Variants in RFLNA observed in about 807,000 individuals in gnomAD.
RFLNA encodes refilin-A.
Under a neutral mutation model 7.8 loss-of-function variants are expected in RFLNA, and 5 were observed. The observed-to-expected ratio is 0.64, with a 90% CI of 0.34 to 1.35. The LOEUF is 1.35. RFLNA is among the 40% of genes most tolerant of loss of function. The pLI, the probability that RFLNA is intolerant of heterozygous loss-of-function variation, is 0.04. For missense variants in RFLNA, 278 were observed against 305.5 expected (o/e 0.91, Z 0.67); for synonymous variants, 141 against 131.3 (o/e 1.07, Z -0.50).
chr12:124,297,718 C>G (rs1239939541), intron 1 of RFLNA, among the ~76,000 whole-genome samples: 1 of 152,120 alleles, frequency 6.6e-6, no homozygotes, highest in Non-Finnish European at 1.5e-5. Flanking sequence ...AAACAAAATG[C>G]CTGTGTACCT....
In RFLNA at chr12:124,314,339, G is replaced by T; in HGVS notation, c.465G>T (p.Leu155=). ...GCAACTACCGCAGCCAGCTGACCCT[G>T]GAGCCACGCCCGCGCGCCCTGCGCT... ...TWRNYRSQLT[L]EPRPRALRFR... The change falls in exon 3 of 3, where the codon CTG becomes CTT. Residue 155 remains leucine, a synonymous_variant. Transcript: ENST00000546355. The T allele has an allele frequency of 6.2e-7, 1 of 1,613,478 alleles. No homozygotes were observed. The highest frequency in any genetic ancestry group is 8.5e-7 in the Non-Finnish European group (1 of 1,179,988).
intron 1 of RFLNA, among the ~76,000 whole-genome samples, chr12:124,300,060 A>C (rs10773082): frequency 0.76 from 116,195 of 152,132 alleles, 46,680 homozygotes; most frequent in Non-Finnish European, 0.9. Context: ...TTGGGATCTT[A>C]CATTGTGTTC....
At position 124,311,940 on chromosome 12, in the gene RFLNA, C is replaced by T; in HGVS notation, c.317+13C>T. 3.2e-6 allele frequency: 3 copies of T among 951,864 alleles called. No homozygotes were observed. Among genetic ancestry groups the T allele is most frequent in the Non-Finnish European group, 4.5e-6 (3 of 663,988 alleles). 59.0% of individuals were successfully genotyped at this position (951,864 alleles called of 1,614,324 possible). A position where few individuals can be genotyped will look rare whatever the true frequency, so the allele number is the denominator to read the frequency against. Reference sequence around the variant, plus strand: ...CGCATGAGATCCGGTGAGTGGGCCACTGGGCTCTGCGCGGGAGGAGGGGGT... The same window carrying T: ...CGCATGAGATCCGGTGAGTGGGCCATTGGGCTCTGCGCGGGAGGAGGGGGT... On this transcript the variant is annotated intron_variant, in intron 2 of 2. Coordinates refer to ENST00000546355, the MANE Select transcript of RFLNA (RefSeq NM_001365156.1).
chr12:124,291,015 C>T (rs1223600873), upstream of RFLNA, among the ~76,000 whole-genome samples: 1 of 152,192 alleles, frequency 6.6e-6, no homozygotes, highest in African/African-American at 2.4e-5. Flanking sequence ...GGCCTTGTTT[C>T]AGGGCTCTCT....
At chr12:124,298,360 G>T (rs1566321513) in intron 1 of RFLNA, among the ~76,000 whole-genome samples, 8 of 152,106 alleles carry the variant, frequency 5.3e-5, no homozygotes, top group South Asian at 2.1e-4. Flanking sequence ...CTAAGGCAGG[G>T]TATCTGGGAA....
intron 1 of RFLNA, among the ~76,000 whole-genome samples, chr12:124,310,156 GA>G (rs774722761): frequency 0.036 from 1,252 of 34,302 alleles, 16 homozygotes; most frequent in Middle Eastern, 0.35. Flanking sequence ...CTGGGTGACA[GA>G]GAGAGACTCT....
At position 124,289,905 on chromosome 12, in the gene RFLNA, G is replaced by C. The variant is rs911376214; in HGVS notation, c.-37+535G>C. Among the ~76,000 whole-genome samples, 1 of 152,166 alleles carries C rather than the reference G, an allele frequency of 6.6e-6. No homozygotes were observed. The highest frequency in any genetic ancestry group is 2.4e-5 in the African/African-American group (1 of 41,434). On this transcript the variant is annotated intron_variant, in intron 1 of 2. Transcript: ENST00000324038. The surrounding 1 kb of genome is among the most constrained non-coding windows in gnomAD (Gnocchi z 5.0). The stretch of plus-strand genomic sequence containing the variant: ...GAGGATGCAGAGTCCCAGGTCTCAC[G>C]GTTGTACAGTCACCGGGACCTTCAC...
intron 1 of RFLNA, among the ~76,000 whole-genome samples, chr12:124,304,855 G>A (rs762524353): frequency 7.9e-5 from 12 of 152,162 alleles, no homozygotes; most frequent in Non-Finnish European, 1.2e-4. Context: ...ACCCCCTCTT[G>A]CGGGAGAAGG....
upstream of RFLNA, among the ~76,000 whole-genome samples, chr12:124,293,537 G>C (rs1339980801): frequency 6.6e-6 from 1 of 152,098 alleles, no homozygotes; most frequent in Admixed American, 6.6e-5. Context: ...AGTGGCCCAA[G>C]GGCTGAAGAG....
In RFLNA at chr12:124,314,154, A is replaced by G. The variant is rs770773312; in HGVS notation, c.318-38A>G. 1.8e-5 allele frequency: 29 copies of G among 1,584,526 alleles called. No individual in the cohort carries two copies. In the Middle Eastern group the frequency reaches 5.1e-4, roughly 28 times the overall value. ...AGGGCAGGGAATCGGGCTGCCCCCA[A>G]TCCTGGGTTCACTCCGCTTCCCTCC... On this transcript the variant is annotated intron_variant, in intron 2 of 2. Transcript: ENST00000546355.
Position 124,295,406 on chromosome 12 carries a change from G to T in RFLNA, c.-24G>T. ...GGAGAAGCCCCCGGAGGAGCGGGGG[G>T]CCCGCGCCCCGCGCCCCCCAGACAT... On this transcript the variant is annotated 5_prime_UTR_variant, in exon 1 of 3. Coordinates refer to ENST00000546355, the MANE Select transcript of RFLNA (RefSeq NM_001365156.1). 4.1e-6 allele frequency: 5 copies of T among 1,211,776 alleles called. No homozygotes were observed. Among genetic ancestry groups the T allele is most frequent in the Admixed American group, 4.3e-5 (1 of 23,488 alleles). 75.1% of individuals were successfully genotyped at this position (1,211,776 alleles called of 1,614,324 possible). A position where few individuals can be genotyped will look rare whatever the true frequency, so the allele number is the denominator to read the frequency against.
intron 1 of RFLNA, among the ~76,000 whole-genome samples, chr12:124,307,283 G>A (rs928126562): frequency 7.2e-5 from 11 of 152,204 alleles, no homozygotes; most frequent in South Asian, 2.1e-4. Flanking sequence ...TCCAGTGGCC[G>A]TGAACCCTGG....
intron 1 of RFLNA, among the ~76,000 whole-genome samples, chr12:124,307,983 CTT>C (rs35040581): frequency 1.4e-4 from 19 of 138,304 alleles, no homozygotes; most frequent in Admixed American, 1.4e-4. Context: ...TGTGTCCGCT[CTT>C]TTTTTTTTTT....
chr12:124,307,041 A>G (rs2034148719), intron 1 of RFLNA, among the ~76,000 whole-genome samples: 1 of 152,168 alleles, frequency 6.6e-6, no homozygotes, highest in African/African-American at 2.4e-5. Context: ...TCCCCTCTTC[A>G]GCCAAGAACA....
In RFLNA at chr12:124,297,020, T is replaced by C. The variant is rs893726345; in HGVS notation, c.207+1384T>C. Among the ~76,000 whole-genome samples, 13 of 152,230 alleles carry C rather than the reference T, an allele frequency of 8.5e-5. 1 individual carries two copies. Among genetic ancestry groups the C allele is most frequent in the African/African-American group, 3.1e-4 (13 of 41,468 alleles). ...CTGTTTGAAGTGAACCTGATCTTGC[T>C]GTCTAAAGGGGGCCAGCTTTCCTGC... On this transcript the variant is annotated intron_variant, in intron 1 of 2. Transcript: ENST00000546355.
intron 2 of RFLNA, among the ~76,000 whole-genome samples, chr12:124,312,826 C>T (rs904958485): frequency 2.0e-4 from 31 of 151,996 alleles, no homozygotes; most frequent in Non-Finnish European, 3.8e-4. Flanking sequence ...AGGTGGCATC[C>T]GAATTGAATT....
At chr12:124,310,464 G>C (rs988158688) in intron 1 of RFLNA, among the ~76,000 whole-genome samples, 2 of 147,716 alleles carry the variant, frequency 1.4e-5, no homozygotes, top group African/African-American at 5.0e-5. Context: ...CATCAGTTTG[G>C]GGCTGAATCA....
At chr12:124,291,591 G>A (rs2135666262), upstream of RFLNA, among the ~76,000 whole-genome samples, 1 of 152,344 alleles carries the variant, frequency 6.6e-6, no homozygotes, top group Non-Finnish European at 1.5e-5. Flanking sequence ...TATGCAGCCA[G>A]GGTTCAAGTG....
At chr12:124,298,209 T>C (rs1242176845) in intron 1 of RFLNA, among the ~76,000 whole-genome samples, 1 of 152,172 alleles carries the variant, frequency 6.6e-6, no homozygotes, top group East Asian at 1.9e-4. Flanking sequence ...TCTAAGCCAC[T>C]GAGGTCCTCA....
Sources: gnomAD v4.1 joint callset for allele counts (sites outside exome capture counted in the v4.1 genomes callset) on GRCh38, gnomAD v4.1.1 for gene constraint, Gnocchi (gnomAD v3.1) non-coding constraint, MANE v1.5 for transcripts, NCBI Gene and HGNC (gene_info 2026-07-23, HGNC 2026-07-21) for gene names.